UBA6: variants seen among roughly 807,000 people sequenced by gnomAD.
UBA6 encodes the protein ubiquitin-like modifier-activating enzyme 6.
UBA6 carries 87 observed loss-of-function variants against 148.3 expected under a neutral mutation model. The ratio of observed to expected loss-of-function variants is 0.59; its 90% CI spans 0.49 to 0.70. The LOEUF (loss-of-function observed/expected upper bound fraction) is 0.70. Ranked by LOEUF, UBA6 falls within the 30% of genes least tolerant of loss-of-function variation. The pLI is 0.00. For synonymous variants in UBA6, 376 were observed against 401.0 expected (o/e 0.94, Z 0.75); for missense variants, 1,186 against 1,241.2 (o/e 0.96, Z 0.67).
At chr4:67,680,784 T>C (rs1730414125) in intron 4 of UBA6, among the ~76,000 whole-genome samples, 1 of 152,176 alleles carries the variant, frequency 6.6e-6, no homozygotes, top group Non-Finnish European at 1.5e-5. Context: ...TCTTCTCCTG[T>C]CTTACTTGTT....
Position 67,662,201 on chromosome 4 carries a change from G to A in UBA6, c.1092C>T (p.Thr364=), listed in dbSNP as rs781096263. 5 of 1,613,390 alleles carry A rather than the reference G, an allele frequency of 3.1e-6. No homozygotes were observed. The Admixed American group carries it at 5.0e-5, about 16-fold the overall frequency. The part of the protein sequence containing the change: ...LLKLATSISE[T]LEEKPDVNAD... ...TTTCAATAGTCACCTTCTCTTCCAA[G>A]GTTTCACTTATAGATGTTGCTAGTT... Residue 364 remains threonine (T), a synonymous_variant, in exon 13 of 33, where the codon ACC becomes ACT. Coordinates refer to ENST00000322244, the MANE Select transcript of UBA6 (RefSeq NM_018227.6).
At chr4:67,657,376 C>T (rs940638862) in intron 13 of UBA6, among the ~76,000 whole-genome samples, 1 of 152,118 alleles carries the variant, frequency 6.6e-6, no homozygotes, top group South Asian at 2.1e-4. Context: ...AGAAATAACA[C>T]CACACATCTA....
At chr4:67,628,336 C>CT in intron 27 of UBA6, among the ~76,000 whole-genome samples, 1 of 151,760 alleles carries the variant, frequency 6.6e-6, no homozygotes, top group East Asian at 1.9e-4. Flanking sequence ...ATTTAAGACT[C>CT]TTCCCCTTGT....
intron 2 of UBA6, among the ~76,000 whole-genome samples, chr4:67,696,182 AAAT>A (rs1457975726): frequency 2.0e-5 from 3 of 152,172 alleles, no homozygotes; most frequent in Non-Finnish European, 4.4e-5. Flanking sequence ...GACTAAAGTG[AAAT>A]ATTATTCTTC....
chr4:67,621,046 C>T (rs1728738277), intron 32 of UBA6, among the ~76,000 whole-genome samples: 1 of 152,014 alleles, frequency 6.6e-6, no homozygotes, highest in Admixed American at 6.6e-5. Flanking sequence ...AAATATTGGC[C>T]AAATCTTAAA....
At chr4:67,639,164 CAA>C in intron 18 of UBA6, 40 bp from the exon 19 acceptor site, 2 of 1,479,892 alleles carry the variant, frequency 1.4e-6, no homozygotes, top group Non-Finnish European at 1.8e-6. Flanking sequence ...TGTTAAACAA[CAA>C]AAAAAGGACT....
At chr4:67,687,380 GAGAAACTGTGTAAA>G (rs1423820656) in intron 2 of UBA6, among the ~76,000 whole-genome samples, 1 of 152,072 alleles carries the variant, frequency 6.6e-6, no homozygotes, top group African/African-American at 2.4e-5. Context: ...ATTTACACAT[GAGAAACTGTGTAAA>G]AGAAAGATTA....
chr4:67,686,605 A>T (rs1193480944), intron 2 of UBA6, among the ~76,000 whole-genome samples: 1 of 152,098 alleles, frequency 6.6e-6, no homozygotes, highest in South Asian at 2.1e-4. Context: ...TGGTTGCCTG[A>T]AGAAATGAAA....
chr4:67,619,165 T>C, intron 32 of UBA6, 33 bp from the exon 33 acceptor site: 1 of 1,530,614 alleles, frequency 6.5e-7, no homozygotes, highest in Non-Finnish European at 9.0e-7. Flanking sequence ...AATACTTTGG[T>C]AAATTCTATA....
chr4:67,620,638 G>C (rs1161148137), intron 32 of UBA6, among the ~76,000 whole-genome samples: 1 of 152,136 alleles, frequency 6.6e-6, no homozygotes. Context: ...GGATAACTAG[G>C]AATCAATTTC....
intron 25 of UBA6, 125 bp from the exon 26 acceptor site, chr4:67,630,660 G>GT (rs75927546): frequency 0.087 from 41,069 of 474,518 alleles, 6 homozygotes; most frequent in Middle Eastern, 0.13. Flanking sequence ...ATTATTTCAA[G>GT]TTTTTTTTTT....
chr4:67,699,770 T>G (rs554973621), intron 1 of UBA6, among the ~76,000 whole-genome samples: 7 of 152,170 alleles, frequency 4.6e-5, no homozygotes, highest in African/African-American at 1.7e-4. Flanking sequence ...GCCCAGCTAA[T>G]TTTTTTGTAT....
At chr4:67,664,067 G>A in intron 10 of UBA6, 120 bp from the exon 11 acceptor site, 1 of 650,592 alleles carries the variant, frequency 1.5e-6, no homozygotes, top group East Asian at 2.7e-5. Flanking sequence ...AAATAAAGTA[G>A]GGTTGGGCTG....
chr4:67,667,228 G>C (rs1314814109), intron 9 of UBA6, among the ~76,000 whole-genome samples: 2 of 151,944 alleles, frequency 1.3e-5, no homozygotes, highest in Non-Finnish European at 2.9e-5. Context: ...TAATATCTAT[G>C]ATATGAACCT....
At chr4:67,646,307 C>T (rs932602480) in intron 15 of UBA6, among the ~76,000 whole-genome samples, 3 of 152,088 alleles carry the variant, frequency 2.0e-5, no homozygotes, top group Admixed American at 6.6e-5. Context: ...GAGGAATCTA[C>T]GGATGGGCTT....
intron 27 of UBA6, among the ~76,000 whole-genome samples, chr4:67,627,934 T>C (rs1728907733): frequency 7.5e-6 from 1 of 133,162 alleles, no homozygotes; most frequent in African/African-American, 2.8e-5. Context: ...ATACTCCCTA[T>C]TGCTTTTTTT....
intron 2 of UBA6, among the ~76,000 whole-genome samples, chr4:67,683,354 T>C (rs1283512675): frequency 6.6e-6 from 1 of 152,180 alleles, no homozygotes; most frequent in Non-Finnish European, 1.5e-5. Flanking sequence ...ATTTATGAGA[T>C]GGACTTATAC....
chr4:67,681,263 G>T (rs1730428758), intron 4 of UBA6, among the ~76,000 whole-genome samples: 1 of 152,128 alleles, frequency 6.6e-6, no homozygotes, highest in African/African-American at 2.4e-5. Context: ...ATTTAAGGAT[G>T]ATATAATACA....
intron 32 of UBA6, among the ~76,000 whole-genome samples, chr4:67,621,132 C>A (rs1165754274): frequency 6.6e-6 from 1 of 152,152 alleles, no homozygotes; most frequent in Non-Finnish European, 1.5e-5. Context: ...CAGTCCACTG[C>A]AGCATAAAAT....
Sources: gnomAD v4.1 joint callset for allele counts (sites outside exome capture counted in the v4.1 genomes callset) on GRCh38, gnomAD v4.1.1 for gene constraint, MANE v1.5 for transcripts, NCBI Gene and HGNC (gene_info 2026-07-23, HGNC 2026-07-21) for gene names.